OSBPL10: variants seen among roughly 807,000 people sequenced by gnomAD.
The protein encoded by OSBPL10 is oxysterol binding protein like 10.
Under a neutral mutation model 81.7 loss-of-function variants are expected in OSBPL10, and 49 were observed. The ratio of observed to expected loss-of-function variants is 0.60; its 90% CI spans 0.48 to 0.76. The LOEUF (loss-of-function observed/expected upper bound fraction) is 0.76, where lower values mean the gene tolerates loss of function less well. Among genes scored for constraint, OSBPL10 ranks in the 30% least tolerant of loss-of-function variants. The probability of loss-of-function intolerance (pLI) is 0.00; values close to 1 mark genes in which losing one functional copy is unlikely to be tolerated. For missense variants in OSBPL10, 923 were observed against 987.8 expected, an observed-to-expected ratio of 0.93 and a Z score of 0.88; for synonymous variants, 419 against 383.6, an observed-to-expected ratio of 1.09 and a Z score of -1.08.
intron 4 of OSBPL10, chr3:31,794,847 G>GA (rs966361591): frequency 5.3e-6 from 2 of 374,772 alleles, no homozygotes; most frequent in Admixed American, 3.3e-5. Flanking sequence ...GGGCATGTGG[G>GA]AAAAAACTGG....
At chr3:31,852,615 G>A (rs1320560504) in intron 3 of OSBPL10, among the ~76,000 whole-genome samples, 3 of 151,838 alleles carry the variant, frequency 2.0e-5, no homozygotes, top group African/African-American at 4.8e-5. Flanking sequence ...TTTCGCTCCC[G>A]TCACCCAGGC....
At chr3:31,876,539 A>G (rs1317802877) in intron 2 of OSBPL10, 27 bp from the exon 3 acceptor site, 1 of 1,575,108 alleles carries the variant, frequency 6.3e-7, no homozygotes, top group East Asian at 2.2e-5. Flanking sequence ...AGAGAAAGAA[A>G]TGATTGCAGA....
chr3:31,820,037 G>A (rs141953438), intron 4 of OSBPL10, among the ~76,000 whole-genome samples: 2 of 149,770 alleles, frequency 1.3e-5, no homozygotes, highest in East Asian at 4.0e-4. Flanking sequence ...ATCTCCTATG[G>A]TTCTGTTTCT....
At chr3:31,687,053 C>T (rs1023829344) in intron 7 of OSBPL10, among the ~76,000 whole-genome samples, 3 of 152,196 alleles carry the variant, frequency 2.0e-5, no homozygotes, top group Non-Finnish European at 2.9e-5. Context: ...GAAGCCAAAT[C>T]AATGACAAAG....
intron 1 of OSBPL10, among the ~76,000 whole-genome samples, chr3:32,047,969 A>T (rs934906713): frequency 3.3e-5 from 5 of 151,644 alleles, no homozygotes; most frequent in African/African-American, 9.7e-5. Context: ...CCGGCCTACA[A>T]CCTGTTTTAT....
intron 1 of OSBPL10, among the ~76,000 whole-genome samples, chr3:31,911,854 G>A (rs1696589980): frequency 6.6e-6 from 1 of 152,076 alleles, no homozygotes; most frequent in African/African-American, 2.4e-5. Flanking sequence ...GTCAACTTGG[G>A]TTGGCAAGTC....
chr3:31,733,213 C>G, intron 6 of OSBPL10, 44 bp downstream of exon 6: 4 of 1,594,414 alleles, frequency 2.5e-6, no homozygotes, highest in Non-Finnish European at 3.4e-6. Context: ...TCTGAACAAG[C>G]GATAACACAA....
intron 1 of OSBPL10, among the ~76,000 whole-genome samples, chr3:31,931,014 CAAAAAAAAAA>C (rs60251266): frequency 3.2e-5 from 2 of 62,064 alleles, no homozygotes; most frequent in East Asian, 4.7e-4. Context: ...GACTCGGTCT[CAAAAAAAAAA>C]AAAAAAAAAA....
At chr3:32,036,823 C>CAAA (rs35549518) in intron 2 of OSBPL10, among the ~76,000 whole-genome samples, 16 of 142,270 alleles carry the variant, frequency 1.1e-4, no homozygotes, top group East Asian at 4.2e-4. Flanking sequence ...ACTCGTGTCT[C>CAAA]AAAAAAAAAA....
At chr3:31,871,160 T>G (rs1427577015) in intron 3 of OSBPL10, among the ~76,000 whole-genome samples, 1 of 152,184 alleles carries the variant, frequency 6.6e-6, no homozygotes, top group African/African-American at 2.4e-5. Context: ...TCTTTCGCTC[T>G]TTGCAATAAA....
At chr3:31,692,126 A>G (rs1287833777) in intron 7 of OSBPL10, among the ~76,000 whole-genome samples, 1 of 152,194 alleles carries the variant, frequency 6.6e-6, no homozygotes, top group Admixed American at 6.5e-5. Context: ...TATCTGTTGA[A>G]GTTAATCCCT....
chr3:31,707,686 T>A (rs1386842320), intron 6 of OSBPL10, among the ~76,000 whole-genome samples: 1 of 152,072 alleles, frequency 6.6e-6, no homozygotes, highest in African/African-American at 2.4e-5. Flanking sequence ...TGCTCAGATA[T>A]CCTCAGAAAA....
At chr3:32,067,525 T>C (rs1164594871) in intron 1 of OSBPL10, among the ~76,000 whole-genome samples, 1 of 152,118 alleles carries the variant, frequency 6.6e-6, no homozygotes, top group Non-Finnish European at 1.5e-5. Flanking sequence ...CACATATACA[T>C]CCAGATGGCC....
intron 4 of OSBPL10, chr3:31,795,019 G>A: frequency 4.2e-6 from 1 of 240,488 alleles, no homozygotes. Flanking sequence ...GCCCAGCTTG[G>A]GATTACACCA....
intron 2 of OSBPL10, among the ~76,000 whole-genome samples, chr3:32,003,694 A>T (rs1699175802): frequency 6.6e-6 from 1 of 152,162 alleles, no homozygotes; most frequent in South Asian, 2.1e-4. Flanking sequence ...AAGGGCAAGG[A>T]TTTAATTGGT....
Position 31,662,055 on chromosome 3 carries a change from T to G in OSBPL10, c.*17A>C. On this transcript the variant is annotated 3_prime_UTR_variant, in exon 12 of 12. Transcript: ENST00000396556. Reference sequence around the variant, plus strand: ...CAAAAACAGGGCTATACTGGAAAGCTCTGCACCTCCACCCCATCAGTGTGC... The same window carrying G: ...CAAAAACAGGGCTATACTGGAAAGCGCTGCACCTCCACCCCATCAGTGTGC... 1 of 1,613,548 alleles carries G rather than the reference T, an allele frequency of 6.2e-7. No individual in the cohort carries two copies. Among genetic ancestry groups the G allele is most frequent in the Non-Finnish European group, 8.5e-7 (1 of 1,179,778 alleles).
At chr3:32,016,457 G>C (rs1699313665) in intron 2 of OSBPL10, among the ~76,000 whole-genome samples, 1 of 151,896 alleles carries the variant, frequency 6.6e-6, no homozygotes, top group South Asian at 2.1e-4. Context: ...GGGGTTGGGG[G>C]AATGGGGAGG....
At chr3:31,753,783 T>C (rs1340953889) in intron 4 of OSBPL10, among the ~76,000 whole-genome samples, 1 of 152,192 alleles carries the variant, frequency 6.6e-6, no homozygotes, top group African/African-American at 2.4e-5. Context: ...TTCTTAATCT[T>C]AATCCTAATC....
At chr3:31,865,327 TGAA>T (rs1212245009) in intron 3 of OSBPL10, among the ~76,000 whole-genome samples, 3 of 152,354 alleles carry the variant, frequency 2.0e-5, no homozygotes, top group African/African-American at 7.2e-5. Flanking sequence ...TGTGTGCCAC[TGAA>T]GAACTGATTT....
Sources: allele counts gnomAD v4.1 joint callset (sites outside exome capture counted in the v4.1 genomes callset), GRCh38; gene constraint gnomAD v4.1.1; transcripts MANE v1.5; gene names NCBI Gene and HGNC (gene_info 2026-07-23, HGNC 2026-07-21).